FRMPD4: variants seen among roughly 807,000 people sequenced by gnomAD.
FRMPD4 encodes the protein FERM and PDZ domain containing 4.
A neutral mutation model predicts 94.1 loss-of-function variants in FRMPD4; 22 were observed. The observed-to-expected ratio is 0.23, with a 90% CI of 0.17 to 0.33. The LOEUF (loss-of-function observed/expected upper bound fraction) is 0.33. FRMPD4 is among the 10% of genes least tolerant of loss of function. The pLI is 1.00. For missense variants in FRMPD4, 1,111 were observed against 1,339.9 expected (o/e 0.83, Z 2.67); for synonymous variants, 631 against 548.6 (o/e 1.15, Z -2.10).
intron 2 of FRMPD4, among the ~76,000 whole-genome samples, chrX:11,870,782 T>C (rs1166562349): frequency 1.8e-5 from 2 of 112,212 alleles, no homozygotes; most frequent in African/African-American, 6.5e-5. Flanking sequence ...GTAGGTAACT[T>C]TTTTTGCCTT....
intron 1 of FRMPD4, among the ~76,000 whole-genome samples, chrX:12,408,364 A>G (rs1180767038): frequency 9.1e-6 from 1 of 110,341 alleles, no homozygotes; most frequent in Non-Finnish European, 1.9e-5. Flanking sequence ...TAAAAATATA[A>G]TTACTCTTAG....
intron 1 of FRMPD4, among the ~76,000 whole-genome samples, chrX:11,863,031 C>T (rs2053697716): frequency 1.1e-5 from 1 of 88,799 alleles, no homozygotes; most frequent in Non-Finnish European, 2.1e-5. Flanking sequence ...TTTTAGGGTA[C>T]ATGTGCACAA....
intron 1 of FRMPD4, among the ~76,000 whole-genome samples, chrX:11,838,357 T>A (rs754391805): frequency 2.7e-5 from 3 of 111,832 alleles, no homozygotes; most frequent in South Asian, 7.4e-4. Context: ...GTATCGAAAC[T>A]GTAACCATTT....
intron 3 of FRMPD4, among the ~76,000 whole-genome samples, chrX:12,008,751 C>A (rs1048087196): frequency 1.8e-5 from 2 of 111,965 alleles, no homozygotes; most frequent in Non-Finnish European, 3.8e-5. Context: ...CTATGATGAA[C>A]CAGGACAGTA....
chrX:12,490,085 AAT>A (rs1382536388), intron 1 of FRMPD4, among the ~76,000 whole-genome samples: 1 of 111,389 alleles, frequency 9.0e-6, no homozygotes, highest in African/African-American at 3.3e-5. Flanking sequence ...GAAAAAGAGA[AAT>A]AGAGCTCTCA....
intron 1 of FRMPD4, among the ~76,000 whole-genome samples, chrX:12,243,240 A>G (rs2053903089): frequency 8.9e-6 from 1 of 112,178 alleles, no homozygotes; most frequent in Non-Finnish European, 1.9e-5. Flanking sequence ...ATGAGATTTT[A>G]TAGCTTTCCT....
intron 4 of FRMPD4, among the ~76,000 whole-genome samples, chrX:12,649,988 A>T (rs1474192921): frequency 8.9e-6 from 1 of 112,802 alleles, no homozygotes; most frequent in African/African-American, 3.2e-5. Context: ...CTGTTTGTGG[A>T]TGTTGAAGGG....
rs148407992 is a variant in FRMPD4, at chrX:12,703,583, G to A, written c.1071-776G>A. Among the ~76,000 whole-genome samples, 5 of 111,901 alleles carry A rather than the reference G, an allele frequency of 4.5e-5. No homozygotes were observed. The East Asian group carries it at 1.4e-3, about 31-fold the overall frequency. On this transcript the variant is annotated intron_variant, in intron 10 of 16. Coordinates refer to ENST00000675598, the MANE Select transcript of FRMPD4 (RefSeq NM_001368397.1). ...GACACTGGTTAGACACATAACCTAG[G>A]GTAGGATTTCTACTCCAGGATAGAT...
intron 3 of FRMPD4, among the ~76,000 whole-genome samples, chrX:11,977,402 G>A (rs925378357): frequency 2.7e-5 from 3 of 112,446 alleles, no homozygotes; most frequent in Admixed American, 1.9e-4. Flanking sequence ...GTCCTTCCCT[G>A]TGATTTAAAA....
chrX:12,142,774 A>G (rs1350464246), intron 1 of FRMPD4, among the ~76,000 whole-genome samples: 4 of 111,722 alleles, frequency 3.6e-5, no homozygotes, highest in African/African-American at 1.3e-4. Flanking sequence ...GCTTTGTACC[A>G]TTTCAAGCAT....
chrX:12,018,215 A>G (rs1328318122), intron 3 of FRMPD4, among the ~76,000 whole-genome samples: 1 of 110,307 alleles, frequency 9.1e-6, no homozygotes, highest in Non-Finnish European at 1.9e-5. Flanking sequence ...TGACAAGGTC[A>G]TGCTTTCTCT....
chrX:12,544,099 G>T (rs1167710151), intron 2 of FRMPD4, among the ~76,000 whole-genome samples: 1 of 101,211 alleles, frequency 9.9e-6, no homozygotes, highest in Non-Finnish European at 2.0e-5. Context: ...GGTAGGGGGA[G>T]GGGGGAGGGA....
chrX:12,517,412 G>T (rs965910965), intron 2 of FRMPD4, among the ~76,000 whole-genome samples: 1 of 112,938 alleles, frequency 8.9e-6, no homozygotes. Context: ...TGATGCTGTT[G>T]TTGTTACTTT....
At chrX:12,116,828 G>A (rs1349647113) in intron 3 of FRMPD4, among the ~76,000 whole-genome samples, 1 of 111,882 alleles carries the variant, frequency 8.9e-6, no homozygotes, top group African/African-American at 3.3e-5. Context: ...TGCTATATGT[G>A]CTTGTTAAAT....
intron 3 of FRMPD4, among the ~76,000 whole-genome samples, chrX:12,075,728 C>A (rs1250774276): frequency 8.9e-6 from 1 of 111,854 alleles, no homozygotes; most frequent in African/African-American, 3.3e-5. Flanking sequence ...TTTATAACAG[C>A]AAATTAGCAG....
At chrX:11,855,981 C>A (rs2407632) in intron 1 of FRMPD4, among the ~76,000 whole-genome samples, 14,082 of 111,302 alleles carry the variant, frequency 0.13, 1,113 homozygotes, top group African/African-American at 0.28. Context: ...TGAGACTGGA[C>A]AATTTATAAA....
At chrX:12,218,228 G>A in intron 1 of FRMPD4, among the ~76,000 whole-genome samples, 1 of 112,261 alleles carries the variant, frequency 8.9e-6, no homozygotes, top group Middle Eastern at 4.7e-3. Flanking sequence ...TCCTATTAAT[G>A]TATAATGATA....
chrX:12,591,055 T>C (rs750365583), intron 2 of FRMPD4, among the ~76,000 whole-genome samples: 1 of 111,765 alleles, frequency 8.9e-6, no homozygotes, highest in East Asian at 2.8e-4. Context: ...GTGCAGGAGT[T>C]CAGAGGGCCG....
chrX:12,436,115 C>T (rs373051097), intron 1 of FRMPD4, among the ~76,000 whole-genome samples: 12 of 110,967 alleles, frequency 1.1e-4, no homozygotes, highest in South Asian at 3.9e-4. Flanking sequence ...AAGCAATTCT[C>T]GTGCGTCAGC....
Sources: allele counts gnomAD v4.1 joint callset (sites outside exome capture counted in the v4.1 genomes callset), GRCh38; gene constraint gnomAD v4.1.1; transcripts MANE v1.5; gene names NCBI Gene and HGNC (gene_info 2026-07-23, HGNC 2026-07-21).